The following VPS54 variants were observed in gnomAD, a reference collection of about 807,000 sequenced individuals.
The protein encoded by VPS54 is vacuolar protein sorting-associated protein 54.
In VPS54, 45 loss-of-function variants were observed where a neutral mutation model predicts 121.5. The observed-to-expected ratio is 0.37, with a 90% CI of 0.29 to 0.47. The LOEUF is 0.47. Ranked by LOEUF, VPS54 falls within the 20% of genes least tolerant of loss-of-function variation. The pLI is 0.99. For missense variants in VPS54, 1,090 were observed against 1,131.4 expected (o/e 0.96, Z 0.52); for synonymous variants, 371 against 385.8 (o/e 0.96, Z 0.45).
intron 7 of VPS54, among the ~76,000 whole-genome samples, chr2:63,950,869 G>A (rs1675210282): frequency 6.6e-6 from 1 of 151,982 alleles, no homozygotes; most frequent in Non-Finnish European, 1.5e-5. Flanking sequence ...TTTCTAAATG[G>A]TATCCAGGAA....
chr2:63,933,652 G>T, intron 12 of VPS54, 21 bp downstream of exon 12: 1 of 1,585,930 alleles, frequency 6.3e-7, no homozygotes, highest in South Asian at 1.1e-5. Context: ...TTGTCAATTT[G>T]GCAGTAGCCA....
At chr2:63,986,963 G>A (rs549326505) in intron 1 of VPS54, among the ~76,000 whole-genome samples, 7 of 152,212 alleles carry the variant, frequency 4.6e-5, no homozygotes, top group East Asian at 3.9e-4. Flanking sequence ...ATATATTCTT[G>A]TTATTAATCC....
At chr2:64,016,610 AT>A (rs34383340) in intron 1 of VPS54, among the ~76,000 whole-genome samples, 106,696 of 136,982 alleles carry the variant, frequency 0.78, 41,191 homozygotes, top group East Asian at 0.9. Flanking sequence ...TGAATTGTAT[AT>A]TTTTTTTTTT....
chr2:63,927,164 GCA>G (rs942652527), intron 12 of VPS54, among the ~76,000 whole-genome samples: 3 of 152,168 alleles, frequency 2.0e-5, no homozygotes, highest in Admixed American at 2.0e-4. Flanking sequence ...GGTTCTCCCA[GCA>G]CAGTGTTCGA....
chr2:63,965,136 C>A (rs1024470245), intron 6 of VPS54, among the ~76,000 whole-genome samples: 1 of 151,984 alleles, frequency 6.6e-6, no homozygotes, highest in African/African-American at 2.4e-5. Flanking sequence ...AAAAACAGTA[C>A]CTCGGAAAAT....
intron 1 of VPS54, among the ~76,000 whole-genome samples, chr2:63,998,486 C>A (rs1576008186): frequency 1.3e-5 from 2 of 152,194 alleles, no homozygotes; most frequent in Admixed American, 1.3e-4. Flanking sequence ...TCTCTTCCTT[C>A]CTGTCTTCCT....
intron 1 of VPS54, among the ~76,000 whole-genome samples, chr2:64,001,519 T>C (rs1177291063): frequency 6.6e-6 from 1 of 152,150 alleles, no homozygotes; most frequent in African/African-American, 2.4e-5. Context: ...CCAAGGCCCA[T>C]GGCGTACTAC....
chr2:63,944,734 A>G (rs765505416), intron 9 of VPS54, 79 bp from the exon 10 acceptor site: 37 of 1,230,440 alleles, frequency 3.0e-5, no homozygotes, highest in Non-Finnish European at 4.0e-5. Flanking sequence ...CCATTTGTAC[A>G]TTAAAAAGGC....
rs542919893 is a variant in VPS54, at chr2:63,921,022, C to T, written c.1869+184G>A. Among the ~76,000 whole-genome samples the T allele has an allele frequency of 3.9e-5, 6 of 152,026 alleles. No homozygotes were observed. The East Asian group carries it at 5.8e-4, about 15-fold the overall frequency. ...TCTGAAAATAATGCTTTAATAACTC[C>T]TATTTATTTTAGATTACTTCATATC... On this transcript the variant is annotated intron_variant, in intron 13 of 22. Transcript: ENST00000272322.
chr2:63,941,476 C>T (rs1168574842), intron 11 of VPS54, among the ~76,000 whole-genome samples: 1 of 152,208 alleles, frequency 6.6e-6, no homozygotes, highest in East Asian at 1.9e-4. Context: ...ATCCTCTTGC[C>T]TTGGCCTCCC....
At chr2:63,916,788 T>G (rs1673398672) in intron 16 of VPS54, 112 bp downstream of exon 16, 1 of 978,286 alleles carries the variant, frequency 1.0e-6, no homozygotes. Flanking sequence ...TAATCCAAAT[T>G]TAACACTGTT....
At chr2:63,904,429 A>C (rs1431791206) in intron 20 of VPS54, among the ~76,000 whole-genome samples, 1 of 110,150 alleles carries the variant, frequency 9.1e-6, no homozygotes, top group Non-Finnish European at 1.8e-5. Flanking sequence ...ACAGAGCAAG[A>C]CTTGGTCTCA....
intron 3 of VPS54, chr2:63,975,460 A>C (rs996725025): frequency 1.3e-5 from 2 of 157,560 alleles, no homozygotes; most frequent in African/African-American, 4.8e-5. Flanking sequence ...ACTGGAGACT[A>C]CAAGATTCTG....
At chr2:63,942,619 A>T (rs759901418) in intron 10 of VPS54, 58 bp from the exon 11 acceptor site, 38 of 1,357,144 alleles carry the variant, frequency 2.8e-5, no homozygotes, top group Non-Finnish European at 3.6e-5. Flanking sequence ...TCAATATAAC[A>T]TCTACAAACT....
chr2:63,961,919 A>G (rs1675788550), intron 7 of VPS54, 139 bp downstream of exon 7: 2 of 927,890 alleles, frequency 2.2e-6, no homozygotes, highest in Admixed American at 3.0e-5. Flanking sequence ...TCAGAATAAC[A>G]TTATTAAACA....
At chr2:63,982,180 GTACAATTAC>G (rs1208998767) in intron 2 of VPS54, among the ~76,000 whole-genome samples, 2 of 150,548 alleles carry the variant, frequency 1.3e-5, no homozygotes, top group Non-Finnish European at 3.0e-5. Context: ...TTTCCTTAAT[GTACAATTAC>G]TCTATCTTTT....
At chr2:63,964,567 T>C (rs1189947039) in intron 6 of VPS54, among the ~76,000 whole-genome samples, 2 of 152,190 alleles carry the variant, frequency 1.3e-5, no homozygotes, top group African/African-American at 4.8e-5. Context: ...TCTAAACCCA[T>C]GGTTTTCGTC....
chr2:63,988,770 G>A (rs953204616), intron 1 of VPS54, among the ~76,000 whole-genome samples: 10 of 152,068 alleles, frequency 6.6e-5, no homozygotes, highest in Admixed American at 2.0e-4. Flanking sequence ...CGTAAAGCAT[G>A]TATGTTTGAA....
chr2:64,012,455 T>TAA (rs11316408), intron 1 of VPS54, among the ~76,000 whole-genome samples: 6 of 111,556 alleles, frequency 5.4e-5, no homozygotes, highest in East Asian at 5.0e-4. Context: ...AGTAACTGTT[T>TAA]AAAAAAAAAA....
Sources: gnomAD v4.1 joint callset for allele counts (sites outside exome capture counted in the v4.1 genomes callset) on GRCh38, gnomAD v4.1.1 for gene constraint, MANE v1.5 for transcripts, NCBI Gene and HGNC (gene_info 2026-07-23, HGNC 2026-07-21) for gene names.